The following FSCN2 variants were observed in gnomAD, a reference collection of about 807,000 sequenced individuals.
The protein encoded by FSCN2 is fascin actin-bundling protein 2, retinal, also known as fascin-2.
FSCN2 carries 46 observed loss-of-function variants against 37.8 expected under a neutral mutation model. The observed-to-expected ratio is 1.22, with a 90% CI of 0.96 to 1.56. FSCN2 has a LOEUF of 1.56. Ranked by LOEUF, FSCN2 falls within the 40% of genes most tolerant of loss-of-function variation. FSCN2 has a pLI of 0.00. For missense variants in FSCN2, 844 were observed against 730.4 expected, an observed-to-expected ratio of 1.16 and a Z score of -1.79; for synonymous variants, 351 against 309.4, an observed-to-expected ratio of 1.13 and a Z score of -1.41.
chr17:81,534,239 C>T (rs780435370), intron 1 of FSCN2, among the ~76,000 whole-genome samples: 2 of 152,086 alleles, frequency 1.3e-5, no homozygotes, highest in African/African-American at 2.4e-5. Flanking sequence ...CTGGGCACAG[C>T]GTGGGATGGG....
chr17:81,517,201 C>T, the FSCN2 span, among the ~76,000 whole-genome samples: 1 of 151,796 alleles, frequency 6.6e-6, no homozygotes, highest in African/African-American at 2.4e-5. Flanking sequence ...AGACAGGATC[C>T]CTGTTGCAGT....
the FSCN2 span, among the ~76,000 whole-genome samples, chr17:81,515,956 G>A: frequency 6.6e-6 from 1 of 152,250 alleles, no homozygotes; most frequent in African/African-American, 2.4e-5. Flanking sequence ...GCGATTCTCG[G>A]GCCTTAGCCT....
At chr17:81,530,454 G>C in intron 1 of FSCN2, 1 of 375,838 alleles carries the variant, frequency 2.7e-6, no homozygotes, top group Admixed American at 4.2e-5. Flanking sequence ...TGAGGGAAAA[G>C]CCCTGGCCCG....
rs538029653 is a variant in FSCN2 at position 81,528,536 on chromosome 17, C to G, written c.5C>G (p.Pro2Arg). Residue 2 changes from proline (P) to arginine (R), a missense_variant, in exon 1 of 5, where the codon CCG (proline) becomes CGG (arginine). Pro to Arg is a moderately radical substitution (Grantham distance 103). Transcript: ENST00000417245. ...GGGGACCCGGCCAGCCTGAAGATGC[C>G]GACGAACGGCCTGCACCAGGTGCTG... is the stretch of plus-strand genomic sequence containing the variant. The part of the protein sequence containing the change: M[P>R]TNGLHQVLKI... 3 of 1,590,088 alleles carry G rather than the reference C, an allele frequency of 1.9e-6. No homozygotes were observed. Among genetic ancestry groups the G allele is most frequent in the East Asian group, 2.3e-5 (1 of 43,552 alleles).
chr17:81,533,501 C>T (rs1447256171), intron 1 of FSCN2, among the ~76,000 whole-genome samples: 1 of 152,248 alleles, frequency 6.6e-6, no homozygotes, highest in African/African-American at 2.4e-5. Context: ...CTGACGCCCT[C>T]ACGGTAGTAA....
chr17:81,521,109 C>A, the FSCN2 span, among the ~76,000 whole-genome samples: 1 of 151,904 alleles, frequency 6.6e-6, no homozygotes, highest in Non-Finnish European at 1.5e-5. Context: ...CTCTTGTTGC[C>A]CAGGCTGGAG....
In FSCN2 at chr17:81,536,753, C is replaced by T; in HGVS notation, c.1237C>T (p.His413Tyr). ...DTNRSVYDVFHLSFSDGAYRI... is the reference protein window; with the variant it reads ...DTNRSVYDVFYLSFSDGAYRI... ...CAACCGCTCCGTCTACGACGTCTTC[C>T]ACCTGAGCTTCAGCGACGGCGCCTA... Residue 413 changes from histidine (H) to tyrosine (Y), a missense_variant, in exon 4 of 5, where the codon CAC becomes TAC. Physicochemically the swap from His to Tyr is moderately conservative, Grantham distance 83 (BLOSUM62 2). Transcript: ENST00000417245. 3.1e-6 allele frequency: 5 copies of T among 1,609,078 alleles called. No homozygotes were observed. The highest frequency in any genetic ancestry group is 4.2e-6 in the Non-Finnish European group (5 of 1,178,050).
upstream of FSCN2, among the ~76,000 whole-genome samples, chr17:81,524,052 G>A (rs1281406455): frequency 3.3e-5 from 5 of 152,278 alleles, no homozygotes; most frequent in Non-Finnish European, 5.9e-5. Context: ...GGGCCAACTC[G>A]GGGAGGGGAA....
intron 1 of FSCN2, among the ~76,000 whole-genome samples, chr17:81,531,243 ATGATGG>A (rs2032549174): frequency 4.5e-5 from 3 of 66,666 alleles, no homozygotes; most frequent in South Asian, 5.0e-4. Context: ...GATGGTGGTG[ATGATGG>A]TGATGGTGAT....
At chr17:81,518,850 G>C in the FSCN2 span, among the ~76,000 whole-genome samples, 2 of 152,366 alleles carry the variant, frequency 1.3e-5, no homozygotes, top group South Asian at 4.1e-4. Context: ...GTCAGGGCGG[G>C]ACAAGGGCAA....
intron 1 of FSCN2, among the ~76,000 whole-genome samples, chr17:81,531,288 A>G (rs868922642): frequency 0.065 from 3,064 of 47,440 alleles, 185 homozygotes; most frequent in African/African-American, 0.23. Context: ...GGTGATGGTG[A>G]TGGTGGTGAT....
chr17:81,530,274 G>A (rs75339348), intron 1 of FSCN2: 36 of 283,008 alleles, frequency 1.3e-4, no homozygotes, highest in African/African-American at 8.2e-4. Context: ...ACGGTGGGCA[G>A]GCAGCTTTAC....
At chr17:81,531,492 G>GTGATGGTGA (rs2032594752) in intron 1 of FSCN2, among the ~76,000 whole-genome samples, 7 of 115,268 alleles carry the variant, frequency 6.1e-5, no homozygotes, top group African/African-American at 2.9e-4. Context: ...GGTGATGATG[G>GTGATGGTGA]TGATGGTGAT....
At chr17:81,515,554 C>T in the FSCN2 span, among the ~76,000 whole-genome samples, 3 of 152,208 alleles carry the variant, frequency 2.0e-5, no homozygotes, top group Non-Finnish European at 2.9e-5. Context: ...TTAGTGGATA[C>T]GACAACAGTG....
At chr17:81,535,700 C>T (rs1362054114) in intron 2 of FSCN2, among the ~76,000 whole-genome samples, 4 of 126,748 alleles carry the variant, frequency 3.2e-5, no homozygotes, top group Admixed American at 7.9e-5. Context: ...CCATCTCTGC[C>T]ATCCCCACCA....
chr17:81,517,285 G>C, the FSCN2 span, among the ~76,000 whole-genome samples: 2 of 152,204 alleles, frequency 1.3e-5, no homozygotes, highest in South Asian at 4.1e-4. Flanking sequence ...GCTGGGAGTC[G>C]GACACCTGGG....
chr17:81,535,683 T>G (rs1422995641), intron 2 of FSCN2, among the ~76,000 whole-genome samples: 3 of 3,618 alleles, frequency 8.3e-4, no homozygotes, highest in Non-Finnish European at 1.6e-3. Flanking sequence ...CATCCCCATC[T>G]CCATCCCCAT....
intron 1 of FSCN2, among the ~76,000 whole-genome samples, chr17:81,532,294 TGATGATGATAGTGATGGC>T (rs1313504166): frequency 7.8e-5 from 11 of 141,460 alleles, no homozygotes; most frequent in African/African-American, 2.5e-4. Flanking sequence ...ATGGTGGTGA[TGATGATGATAGTGATGGC>T]GATGATGGTG....
At chr17:81,531,231 GTGATGGTGGTGA>G (rs2032547435) in intron 1 of FSCN2, among the ~76,000 whole-genome samples, 2 of 136,360 alleles carry the variant, frequency 1.5e-5, no homozygotes, top group Admixed American at 1.5e-4. Flanking sequence ...GGTGATAATG[GTGATGGTGGTGA>G]TGATGGTGAT....
Sources: allele counts gnomAD v4.1 joint callset (sites outside exome capture counted in the v4.1 genomes callset), GRCh38; gene constraint gnomAD v4.1.1; transcripts MANE v1.5; gene names NCBI Gene and HGNC (gene_info 2026-07-23, HGNC 2026-07-21).